Variants in MED27 observed in about 807,000 individuals in gnomAD.
The protein encoded by MED27 is mediator of RNA polymerase II transcription subunit 27.
A neutral mutation model predicts 38.2 loss-of-function variants in MED27; 30 were observed. The ratio of observed to expected loss-of-function variants is 0.79; its 90% confidence interval spans 0.59 to 1.07. MED27 has a LOEUF of 1.07. Ranked by LOEUF, MED27 falls within the 50% of genes least tolerant of loss-of-function variation. MED27 has a pLI of 0.00. For missense variants in MED27, 289 were observed against 397.5 expected (o/e 0.73, Z 2.32); for synonymous variants, 122 against 153.5 (o/e 0.79, Z 1.52).
intron 2 of MED27, 143 bp from the exon 3 acceptor site, chr9:132,014,610 T>C: frequency 1.2e-6 from 1 of 803,926 alleles, no homozygotes; most frequent in Non-Finnish European, 1.9e-6. Flanking sequence ...CACATTCTGC[T>C]TCAAGGAATT....
intron 3 of MED27, among the ~76,000 whole-genome samples, chr9:132,004,316 G>C (rs1160614543): frequency 6.6e-6 from 1 of 152,126 alleles, no homozygotes; most frequent in Admixed American, 6.6e-5. Context: ...ACAGATTTTT[G>C]CATTAATATT....
At chr9:132,073,749 TAA>T in intron 2 of MED27, 1 of 1,300,814 alleles carries the variant, frequency 7.7e-7, no homozygotes, top group Admixed American at 3.1e-5. Context: ...CTTTCTGTAA[TAA>T]AAAAAAAATC....
intron 2 of MED27, among the ~76,000 whole-genome samples, chr9:132,068,144 G>A (rs1257189810): frequency 6.6e-6 from 1 of 152,172 alleles, no homozygotes; most frequent in African/African-American, 2.4e-5. Flanking sequence ...CAACGGGCCT[G>A]TGCTGGGGCT....
chr9:132,038,252 C>G (rs964295057), intron 2 of MED27, among the ~76,000 whole-genome samples: 2 of 131,742 alleles, frequency 1.5e-5, no homozygotes, highest in East Asian at 2.2e-4. Flanking sequence ...AGTGCAGTGG[C>G]GGGATCTCGG....
At chr9:132,007,232 GCAAGTCATC>G in intron 3 of MED27, among the ~76,000 whole-genome samples, 1 of 152,254 alleles carries the variant, frequency 6.6e-6, no homozygotes, top group South Asian at 2.1e-4. Context: ...AACCTGAGAG[GCAAGTCATC>G]CAAGAATCGA....
At chr9:132,023,698 G>C (rs1177248839) in intron 2 of MED27, among the ~76,000 whole-genome samples, 2 of 152,092 alleles carry the variant, frequency 1.3e-5, no homozygotes, top group Non-Finnish European at 2.9e-5. Context: ...GAAGAGGCAA[G>C]GAAGAAGGAA....
intron 3 of MED27, among the ~76,000 whole-genome samples, chr9:132,006,321 T>C (rs913359922): frequency 2.6e-5 from 4 of 152,322 alleles, no homozygotes; most frequent in African/African-American, 9.6e-5. Flanking sequence ...ATGAACCAGT[T>C]TGTATCACAT....
intron 6 of MED27, among the ~76,000 whole-genome samples, chr9:131,870,363 C>T (rs1838809232): frequency 1.3e-5 from 2 of 152,202 alleles, no homozygotes; most frequent in Non-Finnish European, 2.9e-5. Flanking sequence ...AGTGCACTGA[C>T]ATACAGACCT....
At chr9:131,964,323 G>T in intron 3 of MED27, among the ~76,000 whole-genome samples, 1 of 151,998 alleles carries the variant, frequency 6.6e-6, no homozygotes, top group Non-Finnish European at 1.5e-5. Context: ...GGTGCTGGTG[G>T]TGGAGGTGAT....
chr9:131,998,590 A>G (rs1297868084), intron 3 of MED27, among the ~76,000 whole-genome samples: 2 of 152,214 alleles, frequency 1.3e-5, no homozygotes, highest in Admixed American at 1.3e-4. Context: ...AATTCCATCT[A>G]CCGTCTAAAT....
At chr9:131,987,164 C>T (rs2131035995) in intron 3 of MED27, among the ~76,000 whole-genome samples, 1 of 152,174 alleles carries the variant, frequency 6.6e-6, no homozygotes, top group South Asian at 2.1e-4. Context: ...TCTGTGATAA[C>T]TTCCCTTGCT....
intron 4 of MED27, among the ~76,000 whole-genome samples, chr9:131,902,701 T>C (rs1211709915): frequency 6.6e-6 from 1 of 152,074 alleles, no homozygotes; most frequent in Non-Finnish European, 1.5e-5. Context: ...AAAGGAGAAA[T>C]GGCCCTGGGG....
intron 4 of MED27, among the ~76,000 whole-genome samples, chr9:131,905,755 A>G (rs1013906547): frequency 1.3e-5 from 2 of 148,978 alleles, no homozygotes; most frequent in African/African-American, 5.0e-5. Flanking sequence ...AAAGAAAAGA[A>G]AAAACCAACC....
At chr9:132,065,629 C>T (rs1029721631) in intron 2 of MED27, among the ~76,000 whole-genome samples, 1 of 152,354 alleles carries the variant, frequency 6.6e-6, no homozygotes, top group Non-Finnish European at 1.5e-5. Context: ...GCCTGCCACT[C>T]CCGAATCTGA....
At chr9:131,881,281 T>C (rs1303090338) in intron 6 of MED27, among the ~76,000 whole-genome samples, 2 of 152,206 alleles carry the variant, frequency 1.3e-5, no homozygotes, top group Non-Finnish European at 2.9e-5. Context: ...ACTTTTTGCA[T>C]GCGAAACAAG....
At chr9:132,022,382 T>G (rs900346904) in intron 2 of MED27, among the ~76,000 whole-genome samples, 1 of 152,188 alleles carries the variant, frequency 6.6e-6, no homozygotes, top group Non-Finnish European at 1.5e-5. Context: ...CATCTCAGGA[T>G]TATCTTTATA....
chr9:132,035,912 C>T (rs1833065412), intron 2 of MED27, among the ~76,000 whole-genome samples: 1 of 151,954 alleles, frequency 6.6e-6, no homozygotes, highest in Non-Finnish European at 1.5e-5. Context: ...CTGCAGTGAG[C>T]TCTGATCACA....
chr9:131,968,889 T>C (rs1831414305), intron 3 of MED27, among the ~76,000 whole-genome samples: 1 of 152,156 alleles, frequency 6.6e-6, no homozygotes, highest in South Asian at 2.1e-4. Context: ...GCAGCCGCCT[T>C]AGATTCTCAC....
intron 3 of MED27, among the ~76,000 whole-genome samples, chr9:131,950,074 C>G (rs985060601): frequency 3.9e-5 from 6 of 152,070 alleles, no homozygotes; most frequent in African/African-American, 1.4e-4. Context: ...AAGCAACATA[C>G]TAAGTTTGGG....
Sources: allele counts gnomAD v4.1 joint callset (sites outside exome capture counted in the v4.1 genomes callset), GRCh38; gene constraint gnomAD v4.1.1; transcripts MANE v1.5; gene names NCBI Gene and HGNC (gene_info 2026-07-23, HGNC 2026-07-21).